Variants in SCD5 observed in about 807,000 individuals in gnomAD.
SCD5 encodes stearoyl-CoA desaturase 5.
In SCD5, 20 loss-of-function variants were observed where a neutral mutation model predicts 30.4. The ratio of observed to expected loss-of-function variants is 0.66; its 90% CI spans 0.46 to 0.96. The LOEUF (loss-of-function observed/expected upper bound fraction) is 0.96, where lower values mean the gene tolerates loss of function less well. Among genes scored for constraint, SCD5 ranks in the 40% least tolerant of loss-of-function variants. The probability of loss-of-function intolerance (pLI) is 0.00; values close to 1 mark genes in which losing one functional copy is unlikely to be tolerated. For missense variants in SCD5, 381 were observed against 443.3 expected, an observed-to-expected ratio of 0.86 and a Z score of 1.26; for synonymous variants, 173 against 176.4, an observed-to-expected ratio of 0.98 and a Z score of 0.16.
At chr4:82,675,790 G>A (rs966634323) in intron 3 of SCD5, among the ~76,000 whole-genome samples, 6 of 152,196 alleles carry the variant, frequency 3.9e-5, no homozygotes, top group African/African-American at 7.2e-5. Context: ...CATTAATGGA[G>A]ACAGAGAGGC....
intron 3 of SCD5, 104 bp downstream of exon 3, chr4:82,680,603 C>T: frequency 9.8e-7 from 1 of 1,022,396 alleles, no homozygotes; most frequent in Non-Finnish European, 1.5e-6. Context: ...ATTGTTAGGG[C>T]AAATGCTTGA....
intron 3 of SCD5, among the ~76,000 whole-genome samples, chr4:82,641,856 A>C (rs1304034696): frequency 6.6e-6 from 1 of 152,128 alleles, no homozygotes. Flanking sequence ...TGTTAGAGAG[A>C]AAGAGTGGAG....
chr4:82,783,103 A>G lies in SCD5; in HGVS notation c.232+15203T>C, dbSNP rs574823367. On this transcript the variant is annotated intron_variant, in intron 1 of 4. Transcript: ENST00000319540. ...CTGTAGGTCTGGATGGAGCCCTGAA[A>G]TCTACATATTCAACATGCAACTCAG... Among the ~76,000 whole-genome samples the G allele has an allele frequency of 2.6e-5, 4 of 152,280 alleles. No homozygotes were observed. In the South Asian group the frequency reaches 8.3e-4, roughly 32 times the overall value.
intron 1 of SCD5, among the ~76,000 whole-genome samples, chr4:82,755,237 T>C (rs900663918): frequency 2.1e-4 from 32 of 152,040 alleles, no homozygotes; most frequent in African/African-American, 7.7e-4. Context: ...TGGTGGCTCA[T>C]GCCTGTAATC....
In SCD5 at chr4:82,770,695, C is replaced by T. The variant is rs542970620; in HGVS notation, c.232+27611G>A. Reference sequence around the variant, plus strand: ...CTGCACATGTCCCCTTGGCTCTTACCGTTCCTATCTGTGCCAATGGCTTCT... The same window carrying T: ...CTGCACATGTCCCCTTGGCTCTTACTGTTCCTATCTGTGCCAATGGCTTCT... On this transcript the variant is annotated intron_variant, in intron 1 of 4. Transcript: ENST00000319540. Among the ~76,000 whole-genome samples the T allele has an allele frequency of 4.6e-5, 7 of 152,344 alleles. No individual in the cohort carries two copies. In the East Asian group the frequency reaches 9.6e-4, roughly 21 times the overall value.
At chr4:82,739,783 A>C (rs941350892) in intron 1 of SCD5, among the ~76,000 whole-genome samples, 1 of 152,252 alleles carries the variant, frequency 6.6e-6, no homozygotes, top group Non-Finnish European at 1.5e-5. Flanking sequence ...CCACGATGAA[A>C]ACTTGATAAT....
At position 82,636,613 on chromosome 4, in the gene SCD5, T is replaced by A. The variant is rs1727436375; in HGVS notation, c.780A>T (p.Pro260=). 1.9e-6 allele frequency: 3 copies of A among 1,613,812 alleles called. No individual in the cohort carries two copies. Among genetic ancestry groups the A allele is most frequent in the Non-Finnish European group, 2.5e-6 (3 of 1,179,950 alleles). The change falls in exon 4 of 5, where the codon CCA becomes CCT. Residue 260 remains proline, a synonymous_variant. Transcript: ENST00000319540. ...YDKHISPRQN[P]LVALGAIGEG... ...CACCAATGGCACCCAGAGCGACGAG[T>A]GGGTTCTGCCGAGGGCTGATGTGCT...
At chr4:82,679,296 G>GAAAGAAAGAA (rs1560531794) in intron 3 of SCD5, among the ~76,000 whole-genome samples, 1 of 146,828 alleles carries the variant, frequency 6.8e-6, no homozygotes, top group African/African-American at 2.5e-5. Flanking sequence ...AGGAAAGAAA[G>GAAAGAAAGAA]AAAGAAAACA....
At chr4:82,723,569 T>G (rs1720414015) in intron 1 of SCD5, among the ~76,000 whole-genome samples, 1 of 152,242 alleles carries the variant, frequency 6.6e-6, no homozygotes. Context: ...ATATGTTTGA[T>G]AAGCGTGATA....
At chr4:82,755,426 G>A (rs1445694899) in intron 1 of SCD5, among the ~76,000 whole-genome samples, 1 of 152,172 alleles carries the variant, frequency 6.6e-6, no homozygotes, top group Non-Finnish European at 1.5e-5. Context: ...TTTGAACCTG[G>A]GAGGCGGAGG....
chr4:82,728,803 C>T (rs55782223), intron 1 of SCD5, among the ~76,000 whole-genome samples: 2 of 152,002 alleles, frequency 1.3e-5, no homozygotes, highest in African/African-American at 4.8e-5. Flanking sequence ...ATGTGGGCTA[C>T]GCTCATGTCA....
chr4:82,759,648 T>TAAAA (rs70938309), intron 1 of SCD5, among the ~76,000 whole-genome samples: 276 of 125,570 alleles, frequency 2.2e-3, no homozygotes, highest in African/African-American at 7.8e-3. Context: ...AACCCCGTCT[T>TAAAA]AAAAAAAAAA....
intron 1 of SCD5, among the ~76,000 whole-genome samples, chr4:82,748,665 C>T (rs978920658): frequency 6.6e-6 from 1 of 152,170 alleles, no homozygotes; most frequent in Non-Finnish European, 1.5e-5. Flanking sequence ...ACGGTCCTAA[C>T]CTACTCTGAG....
rs540010126 is a variant in SCD5, at chr4:82,789,796, A to T, written c.232+8510T>A. ...TGGGCTCGTGGGAATCAGCTGCTAA[A>T]GAAAGAATGAGGGGGAATGGGAACA... On this transcript the variant is annotated intron_variant, in intron 1 of 4. Transcript: ENST00000319540. Among the ~76,000 whole-genome samples, 5 of 152,270 alleles carry T rather than the reference A, an allele frequency of 3.3e-5. No individual in the cohort carries two copies. In the South Asian group the frequency reaches 1.0e-3, roughly 32 times the overall value.
At chr4:82,752,487 A>C (rs1721125843) in intron 1 of SCD5, among the ~76,000 whole-genome samples, 1 of 152,134 alleles carries the variant, frequency 6.6e-6, no homozygotes, top group Non-Finnish European at 1.5e-5. Flanking sequence ...ATAAACCAAA[A>C]GCTGTCACTA....
intron 2 of SCD5, among the ~76,000 whole-genome samples, chr4:82,695,027 G>A (rs1719668612): frequency 7.8e-6 from 1 of 127,944 alleles, no homozygotes; most frequent in South Asian, 2.5e-4. Flanking sequence ...CTGTTCTGCA[G>A]CCCTTGCAGC....
intron 1 of SCD5, among the ~76,000 whole-genome samples, chr4:82,779,423 T>C (rs1212266186): frequency 6.6e-6 from 1 of 152,218 alleles, no homozygotes; most frequent in Admixed American, 6.5e-5. Context: ...GTCGACACTT[T>C]GATTTTAGTC....
intron 1 of SCD5, among the ~76,000 whole-genome samples, chr4:82,712,866 C>G: frequency 6.6e-6 from 1 of 152,198 alleles, no homozygotes; most frequent in Non-Finnish European, 1.5e-5. Flanking sequence ...CTTGAAAAGT[C>G]TGGGTATACA....
At chr4:82,664,999 C>CTCTCTCTCTCTCTCTCTCTA (rs1219554314) in intron 3 of SCD5, among the ~76,000 whole-genome samples, 7 of 70,488 alleles carry the variant, frequency 9.9e-5, no homozygotes, top group Non-Finnish European at 9.4e-5. Flanking sequence ...CTCTCTCTCT[C>CTCTCTCTCTCTCTCTCTCTA]TATATATATA....
Sources: gnomAD v4.1 joint callset for allele counts (sites outside exome capture counted in the v4.1 genomes callset) on GRCh38, gnomAD v4.1.1 for gene constraint, MANE v1.5 for transcripts, NCBI Gene and HGNC (gene_info 2026-07-23, HGNC 2026-07-21) for gene names.